Variants in RABGAP1L observed in about 807,000 individuals in gnomAD.
The protein encoded by RABGAP1L is RAB GTPase activating protein 1 like.
In RABGAP1L, 63 loss-of-function variants were observed where a neutral mutation model predicts 137.7. The observed-to-expected ratio is 0.46, with a 90% CI of 0.37 to 0.56. The LOEUF is 0.56. RABGAP1L is among the 20% of genes least tolerant of loss of function. The pLI, the probability that RABGAP1L is intolerant of heterozygous loss-of-function variation, is 0.00. For synonymous variants in RABGAP1L, 431 were observed against 433.7 expected, an observed-to-expected ratio of 0.99 and a Z score of 0.08; for missense variants, 1,095 against 1,244.0, an observed-to-expected ratio of 0.88 and a Z score of 1.80.
At position 174,763,832 on chromosome 1, in the gene RABGAP1L, C is replaced by T. The variant is rs542583791; in HGVS notation, c.2211+11478C>T. On this transcript the variant is annotated intron_variant, in intron 18 of 25. Transcript: ENST00000681986. ...CAGCCTGGGCAACAGAGCAAGACTCCGTCTCAAAAAAAAAAAAAAAAAAAA... is the reference window on the plus strand; with the variant it reads ...CAGCCTGGGCAACAGAGCAAGACTCTGTCTCAAAAAAAAAAAAAAAAAAAA... 7.5e-4 allele frequency among the ~76,000 whole-genome samples: 69 copies of T among 92,406 alleles called. No homozygotes were observed. In the East Asian group the frequency reaches 0.022, roughly 29 times the overall value. 60.6% of individuals were successfully genotyped at this position (92,406 alleles called of 152,430 possible).
intron 7 of RABGAP1L, among the ~76,000 whole-genome samples, chr1:174,258,972 A>G (rs1427120573): frequency 6.6e-6 from 1 of 151,914 alleles, no homozygotes; most frequent in Non-Finnish European, 1.5e-5. Context: ...TATCTTTCAT[A>G]GAGACGGGGT....
At chr1:174,473,432 A>T (rs1159905441) in intron 13 of RABGAP1L, among the ~76,000 whole-genome samples, 2 of 152,108 alleles carry the variant, frequency 1.3e-5, no homozygotes, top group East Asian at 3.9e-4. Flanking sequence ...AGAGCACTAG[A>T]TGAGTCTCAG....
At chr1:174,362,834 C>G (rs772641168) in intron 11 of RABGAP1L, among the ~76,000 whole-genome samples, 2 of 152,046 alleles carry the variant, frequency 1.3e-5, no homozygotes, top group African/African-American at 2.4e-5. Flanking sequence ...GTTGCAGTTG[C>G]TTTTGGCATC....
At chr1:174,326,248 T>C (rs1169600617) in intron 11 of RABGAP1L, among the ~76,000 whole-genome samples, 1 of 152,214 alleles carries the variant, frequency 6.6e-6, no homozygotes, top group Non-Finnish European at 1.5e-5. Context: ...TGTAGATGAA[T>C]GATCTGGTGG....
chr1:174,785,476 A>G lies in RABGAP1L; in HGVS notation c.2212-26356A>G, dbSNP rs998090332. Among the ~76,000 whole-genome samples the G allele has an allele frequency of 1.4e-4, 22 of 152,236 alleles. 1 individual carries two copies. The highest frequency in any genetic ancestry group is 9.8e-4 in the Admixed American group (15 of 15,282). On this transcript the variant is annotated intron_variant, in intron 18 of 25. Transcript: ENST00000681986. ...CAGTAAAGGAACGATAATTGTAGTTATCTTGGCTTGGTATATTATGCTATG... is the reference window on the plus strand; with the variant it reads ...CAGTAAAGGAACGATAATTGTAGTTGTCTTGGCTTGGTATATTATGCTATG...
intron 13 of RABGAP1L, among the ~76,000 whole-genome samples, chr1:174,521,804 G>A (rs935143185): frequency 3.9e-5 from 6 of 152,130 alleles, no homozygotes; most frequent in Non-Finnish European, 8.8e-5. Context: ...GTGGTGGCTG[G>A]GTGCGGTGGC....
intron 13 of RABGAP1L, among the ~76,000 whole-genome samples, chr1:174,562,935 A>G (rs935654230): frequency 6.6e-6 from 1 of 152,176 alleles, no homozygotes; most frequent in African/African-American, 2.4e-5. Context: ...GCAAACCACT[A>G]TGGCACGTGT....
At chr1:174,759,363 G>A (rs1233131086) in intron 18 of RABGAP1L, among the ~76,000 whole-genome samples, 1 of 151,510 alleles carries the variant, frequency 6.6e-6, no homozygotes, top group East Asian at 1.9e-4. Flanking sequence ...GGGAGGCCAA[G>A]GTGGGCGGAT....
chr1:174,892,478 GCTT>G (rs1276699641), intron 19 of RABGAP1L: 2 of 463,696 alleles, frequency 4.3e-6, no homozygotes, highest in Non-Finnish European at 8.5e-6. Flanking sequence ...TCACCTTCCA[GCTT>G]CTTTTCTACT....
intron 19 of RABGAP1L, among the ~76,000 whole-genome samples, chr1:174,812,298 A>C (rs1573317440): frequency 6.6e-6 from 1 of 152,228 alleles, no homozygotes; most frequent in Non-Finnish European, 1.5e-5. Flanking sequence ...TATTTAGGAC[A>C]AAGCAAGAAA....
chr1:174,589,112 G>T (rs1028039355), intron 13 of RABGAP1L, among the ~76,000 whole-genome samples: 1 of 152,136 alleles, frequency 6.6e-6, no homozygotes, highest in Non-Finnish European at 1.5e-5. Flanking sequence ...GTCAGCATTT[G>T]TTATTGCCTA....
intron 13 of RABGAP1L, among the ~76,000 whole-genome samples, chr1:174,620,518 C>T (rs1672350527): frequency 1.3e-5 from 2 of 152,170 alleles, no homozygotes; most frequent in Non-Finnish European, 2.9e-5. Context: ...ACTGAACAAC[C>T]TGCTCCTGAA....
intron 1 of RABGAP1L, among the ~76,000 whole-genome samples, chr1:174,202,954 A>G (rs2148400147): frequency 6.6e-6 from 1 of 151,836 alleles, no homozygotes; most frequent in East Asian, 2.0e-4. Context: ...CAAAGATCAG[A>G]TGGTTGTAGA....
At chr1:174,441,239 T>TA (rs202127171) in intron 13 of RABGAP1L, among the ~76,000 whole-genome samples, 177 of 150,392 alleles carry the variant, frequency 1.2e-3, no homozygotes, top group Middle Eastern at 6.8e-3. Flanking sequence ...CTGATGATTG[T>TA]AAAAAAAAAT....
At chr1:174,856,397 T>TA (rs150232187) in intron 19 of RABGAP1L, among the ~76,000 whole-genome samples, 1,884 of 115,194 alleles carry the variant, frequency 0.016, 33 homozygotes, top group African/African-American at 0.043. Context: ...TCCCTCTCAA[T>TA]AAAAAAAAAA....
In RABGAP1L at chr1:174,830,382, CT is replaced by C. The variant is rs980793734; in HGVS notation, c.2340+18427del. On this transcript the variant is annotated intron_variant, in intron 19 of 25. Coordinates refer to ENST00000681986, the MANE Select transcript of RABGAP1L (RefSeq NM_001366446.1). ...TAAAATTTGCTTTTACTCGTTAATA[CT>C]TTTTGTTTAATTTAATCTATTTATT... Among the ~76,000 whole-genome samples the C allele has an allele frequency of 2.7e-5, 4 of 147,424 alleles. No homozygotes were observed. In the Admixed American group the frequency reaches 2.7e-4, roughly 10 times the overall value.
intron 11 of RABGAP1L, among the ~76,000 whole-genome samples, chr1:174,315,827 A>G (rs893288130): frequency 1.3e-5 from 2 of 151,662 alleles, no homozygotes; most frequent in Non-Finnish European, 2.9e-5. Context: ...TACATTTTCT[A>G]CCCTATCTCT....
intron 11 of RABGAP1L, among the ~76,000 whole-genome samples, chr1:174,305,863 CCATTAACTCGTCATTT>C (rs1678187079): frequency 6.6e-6 from 1 of 151,748 alleles, no homozygotes; most frequent in Non-Finnish European, 1.5e-5. Flanking sequence ...TGTGCTGCAC[CCATTAACTCGTCATTT>C]ATATTAGGTA....
chr1:174,347,118 T>G (rs893907320), intron 11 of RABGAP1L, among the ~76,000 whole-genome samples: 1 of 150,490 alleles, frequency 6.6e-6, no homozygotes, highest in African/African-American at 2.4e-5. Context: ...AATTTAATAC[T>G]TTTTTTTGGC....
Sources: gnomAD v4.1 joint callset for allele counts (sites outside exome capture counted in the v4.1 genomes callset) on GRCh38, gnomAD v4.1.1 for gene constraint, MANE v1.5 for transcripts, NCBI Gene and HGNC (gene_info 2026-07-23, HGNC 2026-07-21) for gene names.